PLCL1: variants seen among roughly 807,000 people sequenced by gnomAD.
PLCL1 encodes the protein phospholipase C like 1 (inactive).
In PLCL1, 41 loss-of-function variants were observed where a neutral mutation model predicts 84.4. That is an observed-to-expected ratio of 0.49 (90% CI 0.38 to 0.63). The LOEUF is 0.63. Ranked by LOEUF, PLCL1 falls within the 30% of genes least tolerant of loss-of-function variation. The pLI, the probability that PLCL1 is intolerant of heterozygous loss-of-function variation, is 0.00. For synonymous variants in PLCL1, 490 were observed against 488.3 expected (o/e 1.00, Z -0.05); for missense variants, 1,206 against 1,367.8 (o/e 0.88, Z 1.87).
intron 1 of PLCL1, among the ~76,000 whole-genome samples, chr2:198,076,994 A>G (rs929055172): frequency 1.3e-5 from 2 of 152,208 alleles, no homozygotes; most frequent in Non-Finnish European, 2.9e-5. Flanking sequence ...TCAGAACTGA[A>G]TTCCATTCTG....
intron 1 of PLCL1, among the ~76,000 whole-genome samples, chr2:198,015,577 T>C (rs1226626212): frequency 1.3e-5 from 2 of 152,290 alleles, no homozygotes; most frequent in East Asian, 3.9e-4. Flanking sequence ...AAATGACTTA[T>C]TCATTCAACA....
chr2:198,091,696 A>AAAATG (rs1261307048), intron 3 of PLCL1, among the ~76,000 whole-genome samples: 2 of 18,570 alleles, frequency 1.1e-4, no homozygotes, highest in African/African-American at 3.1e-3. Flanking sequence ...AAAATAAAAT[A>AAAATG]AAATAAAATA....
chr2:197,833,081 G>A (rs1691105195), intron 1 of PLCL1, among the ~76,000 whole-genome samples: 1 of 152,156 alleles, frequency 6.6e-6, no homozygotes, highest in South Asian at 2.1e-4. Context: ...CATGTGCCTG[G>A]AATCCCAGCT....
chr2:197,892,575 T>G (rs1688051757), intron 1 of PLCL1, among the ~76,000 whole-genome samples: 1 of 152,246 alleles, frequency 6.6e-6, no homozygotes, highest in Non-Finnish European at 1.5e-5. Flanking sequence ...AATAGGGATT[T>G]AATGTTTTTG....
At chr2:197,914,492 G>C in intron 1 of PLCL1, among the ~76,000 whole-genome samples, 1 of 152,068 alleles carries the variant, frequency 6.6e-6, no homozygotes, top group Non-Finnish European at 1.5e-5. Flanking sequence ...ACCACACCCA[G>C]CTAGTTTTTG....
chr2:198,091,269 C>A (rs1693025559), intron 3 of PLCL1, among the ~76,000 whole-genome samples: 1 of 152,140 alleles, frequency 6.6e-6, no homozygotes, highest in South Asian at 2.1e-4. Context: ...AATTAAAACA[C>A]CATTTTTACT....
chr2:197,920,464 G>A (rs766970993), intron 1 of PLCL1, among the ~76,000 whole-genome samples: 11 of 152,078 alleles, frequency 7.2e-5, no homozygotes, highest in Non-Finnish European at 1.5e-4. Flanking sequence ...CTTTGAAATG[G>A]TAACTTCATA....
rs1559121387 is a variant in PLCL1, at chr2:198,147,812, C to A, written c.*850C>A. 6.6e-6 allele frequency: 1 copy of A among 152,330 alleles called. No homozygotes were observed. The highest frequency in any genetic ancestry group is 2.1e-4 in the South Asian group (1 of 4,810). The allele number at this position is 152,330 out of a possible 1,614,324, so 9.4% of individuals were successfully genotyped here. A position where few individuals can be genotyped will look rare whatever the true frequency, so the allele number is the denominator to read the frequency against. On this transcript the variant is annotated 3_prime_UTR_variant, in exon 6 of 6. Coordinates refer to ENST00000428675, the MANE Select transcript of PLCL1 (RefSeq NM_006226.4). ...ATAATTTCGAGATTTGTAGGAAGGT[C>A]TCATTCTTCCAAGCTGAGAGTCTAG...
At chr2:197,880,783 A>G (rs1464796139) in intron 1 of PLCL1, among the ~76,000 whole-genome samples, 1 of 152,234 alleles carries the variant, frequency 6.6e-6, no homozygotes, top group Non-Finnish European at 1.5e-5. Flanking sequence ...ACAGATGTTC[A>G]GAATAAAGTC....
chr2:197,861,930 C>T (rs930038929), intron 1 of PLCL1, among the ~76,000 whole-genome samples: 4 of 152,088 alleles, frequency 2.6e-5, no homozygotes, highest in Admixed American at 1.3e-4. Context: ...ATTTAAAATA[C>T]GGAAAAAGTA....
At chr2:197,947,399 C>T (rs992161447) in intron 1 of PLCL1, among the ~76,000 whole-genome samples, 6 of 151,950 alleles carry the variant, frequency 3.9e-5, no homozygotes, top group South Asian at 2.1e-4. Context: ...TGGTGTGGGG[C>T]GTGGGAAACA....
chr2:197,900,852 A>G (rs576969118), intron 1 of PLCL1, among the ~76,000 whole-genome samples: 12 of 152,320 alleles, frequency 7.9e-5, no homozygotes, highest in African/African-American at 2.6e-4. Flanking sequence ...ATGCAAGAGT[A>G]AGTTGTTTGG....
rs116797101 is a variant in PLCL1 at position 197,931,085 on chromosome 2, C to G, written c.240+125746C>G. Among the ~76,000 whole-genome samples the G allele has an allele frequency of 4.8e-3, 725 of 152,142 alleles. 5 individuals are homozygous for G. The highest frequency in any genetic ancestry group is 0.017 in the African/African-American group (696 of 41,512). ...CTAAGTCACATTATATGCTCACCCT[C>G]TTAAGTTTCGTGTGGTAAATTCCAG... On this transcript the variant is annotated intron_variant, in intron 1 of 5. Transcript: ENST00000428675.
At chr2:198,072,015 A>G (rs1457035814) in intron 1 of PLCL1, among the ~76,000 whole-genome samples, 1 of 151,904 alleles carries the variant, frequency 6.6e-6, no homozygotes, top group Non-Finnish European at 1.5e-5. Flanking sequence ...AACTGCATCC[A>G]TTGAAACTAT....
At chr2:197,949,879 A>G (rs1396481764) in intron 1 of PLCL1, among the ~76,000 whole-genome samples, 1 of 152,094 alleles carries the variant, frequency 6.6e-6, no homozygotes, top group Non-Finnish European at 1.5e-5. Flanking sequence ...GGGATTTATG[A>G]GTGGGGAACT....
At chr2:198,121,295 C>T (rs1289982090) in intron 5 of PLCL1, among the ~76,000 whole-genome samples, 1 of 151,974 alleles carries the variant, frequency 6.6e-6, no homozygotes, top group Non-Finnish European at 1.5e-5. Context: ...GTTGCCTTTG[C>T]TGTGCAGAAA....
chr2:198,034,548 A>G (rs973239424), intron 1 of PLCL1, among the ~76,000 whole-genome samples: 1 of 152,198 alleles, frequency 6.6e-6, no homozygotes, highest in Admixed American at 6.6e-5. Flanking sequence ...TGCAGCCATA[A>G]AAAAAGTTTT....
chr2:198,124,005 AG>A (rs1324027871), intron 5 of PLCL1, among the ~76,000 whole-genome samples: 2 of 152,108 alleles, frequency 1.3e-5, no homozygotes, highest in Non-Finnish European at 2.9e-5. Flanking sequence ...TTGTCATGGC[AG>A]CCCTAGCAGA....
intron 1 of PLCL1, among the ~76,000 whole-genome samples, chr2:197,813,700 A>G (rs1323519178): frequency 6.6e-6 from 1 of 152,174 alleles, no homozygotes; most frequent in Non-Finnish European, 1.5e-5. Context: ...TAATTCTCAC[A>G]ATAACCATAT....
Sources: gnomAD v4.1 joint callset for allele counts (sites outside exome capture counted in the v4.1 genomes callset) on GRCh38, gnomAD v4.1.1 for gene constraint, MANE v1.5 for transcripts, NCBI Gene and HGNC (gene_info 2026-07-23, HGNC 2026-07-21) for gene names.